Variants in TMTC2 observed in about 807,000 individuals in gnomAD.
TMTC2 encodes protein O-mannosyl-transferase TMTC2.
In TMTC2, 43 loss-of-function variants were observed where a neutral mutation model predicts 82.4. The ratio of observed to expected loss-of-function variants is 0.52; its 90% CI spans 0.41 to 0.67. The LOEUF (loss-of-function observed/expected upper bound fraction) is 0.67. TMTC2 is among the 30% of genes least tolerant of loss of function. TMTC2 has a pLI of 0.00. For synonymous variants in TMTC2, 408 were observed against 381.9 expected, an observed-to-expected ratio of 1.07 and a Z score of -0.80; for missense variants, 919 against 1,012.4, an observed-to-expected ratio of 0.91 and a Z score of 1.25.
rs764453483 is a variant in TMTC2 at position 83,115,856 on chromosome 12, C to T, written c.2332-16354C>T. Among the ~76,000 whole-genome samples, 9 of 152,022 alleles carry T rather than the reference C, an allele frequency of 5.9e-5. No homozygotes were observed. In the South Asian group the frequency reaches 1.7e-3, roughly 28 times the overall value. ...AAGCTGGAGTGCAGTCGCACGAGCT[C>T]GGCTCACTGCAACCTCTACCTCCCA... On this transcript the variant is annotated intron_variant, in intron 11 of 11. Transcript: ENST00000321196.
intron 1 of TMTC2, among the ~76,000 whole-genome samples, chr12:82,799,881 C>G (rs1878911666): frequency 6.6e-6 from 1 of 152,076 alleles, no homozygotes; most frequent in African/African-American, 2.4e-5. Flanking sequence ...CATGGCAAAG[C>G]TTTCACCATC....
intron 1 of TMTC2, among the ~76,000 whole-genome samples, chr12:82,831,906 G>A (rs956758028): frequency 9.2e-5 from 14 of 152,116 alleles, no homozygotes; most frequent in Non-Finnish European, 1.8e-4. Flanking sequence ...AAGAACTTTT[G>A]ATGAGGCCGA....
chr12:83,113,617 G>A (rs774996814), intron 11 of TMTC2, among the ~76,000 whole-genome samples: 1 of 152,196 alleles, frequency 6.6e-6, no homozygotes, highest in Non-Finnish European at 1.5e-5. Context: ...CTTGGCAAGT[G>A]TCATGGCTTA....
chr12:82,946,663 G>A (rs1298972256), intron 4 of TMTC2, among the ~76,000 whole-genome samples: 8 of 152,044 alleles, frequency 5.3e-5, no homozygotes, highest in Non-Finnish European at 8.8e-5. Context: ...CAGCCATCTA[G>A]CAATAGAGAG....
chr12:82,817,502 G>A (rs1297864750), intron 1 of TMTC2, among the ~76,000 whole-genome samples: 2 of 152,084 alleles, frequency 1.3e-5, no homozygotes, highest in East Asian at 3.8e-4. Flanking sequence ...AGTGACAGAA[G>A]GCCATTTCTG....
chr12:82,977,551 A>G (rs1329564710), intron 7 of TMTC2, among the ~76,000 whole-genome samples: 4 of 151,890 alleles, frequency 2.6e-5, no homozygotes, highest in Non-Finnish European at 4.4e-5. Context: ...AAAGAATAAC[A>G]TCAGATACTT....
rs114690566 is a variant in TMTC2, at chr12:83,020,148, A to G, written c.2071-10650A>G. Among the ~76,000 whole-genome samples the G allele has an allele frequency of 1.2e-3, 178 of 152,308 alleles. 1 individual carries two copies. Among genetic ancestry groups the G allele is most frequent in the African/African-American group, 4.0e-3 (166 of 41,580 alleles). ...AAATCAGACCAACTGTTATAGGTCA[A>G]ATGGCCATCGATTGTGTTTGTCATA... is the stretch of plus-strand genomic sequence containing the variant. On this transcript the variant is annotated intron_variant, in intron 8 of 11. Transcript: ENST00000321196.
intron 1 of TMTC2, among the ~76,000 whole-genome samples, chr12:82,744,482 C>T (rs1262565462): frequency 6.7e-6 from 1 of 149,068 alleles, no homozygotes; most frequent in Admixed American, 6.9e-5. Context: ...TGTGCCAAGA[C>T]ATAACTGAGG....
intron 8 of TMTC2, among the ~76,000 whole-genome samples, chr12:83,005,515 T>C (rs900058378): frequency 6.6e-6 from 1 of 152,084 alleles, no homozygotes; most frequent in African/African-American, 2.4e-5. Flanking sequence ...TGCCGTGCCC[T>C]TGAACCCCCG....
chr12:82,889,967 GTAAC>G (rs10585122), intron 2 of TMTC2, among the ~76,000 whole-genome samples: 61,320 of 151,386 alleles, frequency 0.41, 12,423 homozygotes, highest in Middle Eastern at 0.49. Flanking sequence ...TAGAATGTAG[GTAAC>G]TAACTAGAGA....
At chr12:83,010,217 G>T (rs1880394604) in intron 8 of TMTC2, among the ~76,000 whole-genome samples, 1 of 152,216 alleles carries the variant, frequency 6.6e-6, no homozygotes, top group East Asian at 1.9e-4. Flanking sequence ...CAGTTCAATT[G>T]TCCCATATAT....
intron 1 of TMTC2, among the ~76,000 whole-genome samples, chr12:82,775,317 G>A (rs1328772641): frequency 6.6e-6 from 1 of 151,994 alleles, no homozygotes; most frequent in Non-Finnish European, 1.5e-5. Context: ...AGGCATGGTG[G>A]TGTGTGCCTC....
At chr12:82,900,600 A>T (rs1209798408) in intron 3 of TMTC2, among the ~76,000 whole-genome samples, 1 of 145,570 alleles carries the variant, frequency 6.9e-6, no homozygotes, top group Non-Finnish European at 1.5e-5. Context: ...ATATGTAGGA[A>T]TATATATAGG....
At chr12:82,752,166 T>TTC (rs1876044484) in intron 1 of TMTC2, among the ~76,000 whole-genome samples, 1 of 149,666 alleles carries the variant, frequency 6.7e-6, no homozygotes, top group Non-Finnish European at 1.5e-5. Flanking sequence ...TTTTTTTTTT[T>TTC]CTGAAGGCTT....
intron 9 of TMTC2, among the ~76,000 whole-genome samples, chr12:83,034,118 T>G (rs1334357359): frequency 2.6e-5 from 4 of 152,098 alleles, no homozygotes; most frequent in Non-Finnish European, 5.9e-5. Flanking sequence ...GTGTATCTAC[T>G]AGGTGCAACC....
chr12:82,771,027 T>A (rs1877275964), intron 1 of TMTC2, among the ~76,000 whole-genome samples: 1 of 151,990 alleles, frequency 6.6e-6, no homozygotes, highest in African/African-American at 2.4e-5. Context: ...ACCAACATGA[T>A]GAAACCCTGT....
chr12:82,931,929 T>C (rs908753393), intron 4 of TMTC2, among the ~76,000 whole-genome samples: 6 of 152,092 alleles, frequency 3.9e-5, no homozygotes, highest in Admixed American at 2.0e-4. Flanking sequence ...GTCACTTCCA[T>C]TGACAGCACC....
rs144472685 is a variant in TMTC2, at chr12:82,794,783, G to T, written c.84-62227G>T. Among the ~76,000 whole-genome samples the T allele has an allele frequency of 3.5e-3, 540 of 152,238 alleles. 5 individuals carry two copies. The highest frequency in any genetic ancestry group is 0.013 in the African/African-American group (521 of 41,568). ...ACTTTGGGAATGTTATCTAACTGAT[G>T]TAAGTCGCAGTTTTGCCATTTGCAG... On this transcript the variant is annotated intron_variant, in intron 1 of 11. Transcript: ENST00000321196.
chr12:82,704,661 A>ATTTTTT (rs1032711026), intron 1 of TMTC2, among the ~76,000 whole-genome samples: 1 of 150,218 alleles, frequency 6.7e-6, no homozygotes, highest in African/African-American at 2.4e-5. Context: ...GTAAAATAGT[A>ATTTTTT]TTTTTTTTTG....
Sources: allele counts gnomAD v4.1 joint callset (sites outside exome capture counted in the v4.1 genomes callset), GRCh38; gene constraint gnomAD v4.1.1; transcripts MANE v1.5; gene names NCBI Gene and HGNC (gene_info 2026-07-23, HGNC 2026-07-21).